ASB13: variants seen among roughly 807,000 people sequenced by gnomAD.
ASB13 encodes ankyrin repeat and SOCS box containing 13.
A neutral mutation model predicts 28.8 loss-of-function variants in ASB13; 33 were observed. The ratio of observed to expected loss-of-function variants is 1.15; its 90% CI spans 0.87 to 1.53. The LOEUF is 1.53. Among genes scored for constraint, ASB13 ranks in the 40% most tolerant of loss-of-function variants. The pLI, the probability that ASB13 is intolerant of heterozygous loss-of-function variation, is 0.00. For synonymous variants in ASB13, 182 were observed against 172.9 expected, an observed-to-expected ratio of 1.05 and a Z score of -0.41; for missense variants, 414 against 390.1, an observed-to-expected ratio of 1.06 and a Z score of -0.52.
rs920078753 is a variant in ASB13, at chr10:5,663,887, G to A, written c.43+2622C>T. Among the ~76,000 whole-genome samples the A allele has an allele frequency of 7.2e-5, 11 of 152,078 alleles. No individual in the cohort carries two copies. Among genetic ancestry groups the A allele is most frequent in the South Asian group, 4.2e-4 (2 of 4,814 alleles). On this transcript the variant is annotated intron_variant, in intron 1 of 5. Transcript: ENST00000357700. This position sits in a 1 kb window ranked among gnomAD's most constrained non-coding sequence, Gnocchi z 4.9. ...ACCCTAGTGGATTCTCCCTCTCCCC[G>A]CTCTGACACTGAAATCAAGAGCGAT...
At chr10:5,657,699 T>C (rs1835094285) in intron 1 of ASB13, among the ~76,000 whole-genome samples, 1 of 152,194 alleles carries the variant, frequency 6.6e-6, no homozygotes, top group African/African-American at 2.4e-5. Flanking sequence ...AAGCAGGGTC[T>C]TGAGGAGAGA....
chr10:5,647,549 C>T (rs775813394), intron 4 of ASB13, among the ~76,000 whole-genome samples: 1 of 152,216 alleles, frequency 6.6e-6, no homozygotes, highest in East Asian at 1.9e-4. Flanking sequence ...ACGCTGCCAA[C>T]TCCACTTCCC....
rs1318634899 is a variant in ASB13, at chr10:5,659,870, GC to G, written c.43+6638del. The stretch of plus-strand genomic sequence containing the variant: ...GCCAGACTGAACTTGGACCCCTGCC[GC>G]TAGGTTCTGTCCCCTGCTCCACTTT... On this transcript the variant is annotated intron_variant, in intron 1 of 5. Coordinates refer to ENST00000357700, the MANE Select transcript of ASB13 (RefSeq NM_024701.4). This position sits in a 1 kb window ranked among gnomAD's most constrained non-coding sequence, Gnocchi z 5.8. 3.3e-5 allele frequency among the ~76,000 whole-genome samples: 5 copies of G among 152,220 alleles called. No individual in the cohort carries two copies. In the East Asian group the frequency reaches 7.7e-4, roughly 24 times the overall value.
intron 1 of ASB13, among the ~76,000 whole-genome samples, chr10:5,665,980 G>A (rs1408991896): frequency 6.6e-6 from 1 of 152,216 alleles, no homozygotes; most frequent in East Asian, 1.9e-4. Context: ...GCACTTTTCG[G>A]AGTGTGCCGG....
At chr10:5,666,384 GC>G in intron 1 of ASB13, 124 bp downstream of exon 1, 3 of 810,176 alleles carry the variant, frequency 3.7e-6, no homozygotes, top group Non-Finnish European at 4.8e-6. Context: ...CCCGCCAAAC[GC>G]CCCCGCCCAC....
In ASB13 at chr10:5,655,239, G is replaced by A. The variant is rs74755983; in HGVS notation, c.44-2189C>T. 0.012 allele frequency among the ~76,000 whole-genome samples: 1,773 copies of A among 152,270 alleles called. 18 individuals carry two copies. Among genetic ancestry groups the A allele is most frequent in the South Asian group, 0.062 (297 of 4,828 alleles). On this transcript the variant is annotated intron_variant, in intron 1 of 5. Coordinates refer to ENST00000357700, the MANE Select transcript of ASB13 (RefSeq NM_024701.4). This position sits in a 1 kb window ranked among gnomAD's most constrained non-coding sequence, Gnocchi z 6.2. ...CCTCTGCCTTGGGCACTGAGTACAG[G>A]GTTAAGAGTTCCCTGGAGCCACAAC...
intron 4 of ASB13, among the ~76,000 whole-genome samples, chr10:5,643,270 G>A (rs1255571088): frequency 1.3e-5 from 2 of 152,182 alleles, no homozygotes; most frequent in African/African-American, 4.8e-5. Flanking sequence ...GTCAAAAGAG[G>A]AGCTGAGAGG....
rs1478021015 is a variant in ASB13 at position 5,645,944 on chromosome 10, A to C, written c.517+3026T>G. On this transcript the variant is annotated intron_variant, in intron 4 of 5. Transcript: ENST00000357700. This position sits in a 1 kb window ranked among gnomAD's most constrained non-coding sequence, Gnocchi z 5.4. Reference sequence around the variant, plus strand: ...CGCAATGAAAAAATGGTTTCTAAGAAGAAGATGATGATCCATCTGCTCTCA... The same window carrying C: ...CGCAATGAAAAAATGGTTTCTAAGACGAAGATGATGATCCATCTGCTCTCA... Among the ~76,000 whole-genome samples, 1 of 152,196 alleles carries C rather than the reference A, an allele frequency of 6.6e-6. No homozygotes were observed. Among genetic ancestry groups the C allele is most frequent in the Non-Finnish European group, 1.5e-5 (1 of 68,034 alleles).
In ASB13 at chr10:5,660,774, C is replaced by T. The variant is rs1259919090; in HGVS notation, c.43+5735G>A. 6.6e-6 allele frequency among the ~76,000 whole-genome samples: 1 copy of T among 152,204 alleles called. No individual in the cohort carries two copies. The highest frequency in any genetic ancestry group is 2.4e-5 in the African/African-American group (1 of 41,462). The stretch of plus-strand genomic sequence containing the variant: ...GCCCCCCAATCTTGCATTCCAGCTC[C>T]AGTAACTCAATCCTTACCTAAGTCG... On this transcript the variant is annotated intron_variant, in intron 1 of 5. Coordinates refer to ENST00000357700, the MANE Select transcript of ASB13 (RefSeq NM_024701.4). This position sits in a 1 kb window ranked among gnomAD's most constrained non-coding sequence, Gnocchi z 6.1.
rs377245088 is a variant in ASB13, at chr10:5,640,681, C to T, written c.*22G>A. ...ATGCTGGGCACAACGGGGGCAGCCA[C>T]GGTCCGGACCCCACCTGCAATTCAG... On this transcript the variant is annotated 3_prime_UTR_variant, in exon 6 of 6. Transcript: ENST00000357700. 17 of 1,613,642 alleles carry T rather than the reference C, an allele frequency of 1.1e-5. No homozygotes were observed. Among genetic ancestry groups the T allele is most frequent in the Admixed American group, 1.7e-5 (1 of 59,974 alleles).
Position 5,663,122 on chromosome 10 carries a change from T to A in ASB13, c.43+3387A>T, listed in dbSNP as rs1367379646. 6.6e-6 allele frequency among the ~76,000 whole-genome samples: 1 copy of A among 152,114 alleles called. No individual in the cohort carries two copies. The highest frequency in any genetic ancestry group is 1.5e-5 in the Non-Finnish European group (1 of 68,022). On this transcript the variant is annotated intron_variant, in intron 1 of 5. Transcript: ENST00000357700. The surrounding 1 kb of genome is among the most constrained non-coding windows in gnomAD (Gnocchi z 4.9). ...CAGACTGATTTTAAGATGTGTTCAA[T>A]GAAGCAAAAATGCCAGTATTTGCCT...
rs553015963 is a variant in ASB13 at position 5,664,147 on chromosome 10, G to A, written c.43+2362C>T. ...GGGGTTGGGACCAGCAAAGAGCAGG[G>A]AATCTGAACTACCCCTGGGAGGGCA... On this transcript the variant is annotated intron_variant, in intron 1 of 5. Transcript: ENST00000357700. This position sits in a 1 kb window ranked among gnomAD's most constrained non-coding sequence, Gnocchi z 4.2. Among the ~76,000 whole-genome samples the A allele has an allele frequency of 6.6e-6, 1 of 152,246 alleles. No individual in the cohort carries two copies. Among genetic ancestry groups the A allele is most frequent in the South Asian group, 2.1e-4 (1 of 4,822 alleles).
chr10:5,640,851 G>C, intron 5 of ASB13, 21 bp from the exon 6 acceptor site: 1 of 1,611,706 alleles, frequency 6.2e-7, no homozygotes, highest in Non-Finnish European at 8.5e-7. Context: ...GAGCAAGGAA[G>C]GATGTGAGGT....
Position 5,656,925 on chromosome 10 carries a change from T to C in ASB13, c.44-3875A>G, listed in dbSNP as rs951731285. On this transcript the variant is annotated intron_variant, in intron 1 of 5. Transcript: ENST00000357700. This position sits in a 1 kb window ranked among gnomAD's most constrained non-coding sequence, Gnocchi z 4.3. The stretch of plus-strand genomic sequence containing the variant: ...CTGACTTAGACGGCACTTTAGACAC[T>C]TATCTACCATCTTCCTGGTTTGCTG... Among the ~76,000 whole-genome samples the C allele has an allele frequency of 6.6e-6, 1 of 152,216 alleles. No homozygotes were observed. The highest frequency in any genetic ancestry group is 1.9e-4 in the East Asian group (1 of 5,200).
Position 5,656,112 on chromosome 10 carries a change from C to T in ASB13, c.44-3062G>A, listed in dbSNP as rs938975218. Among the ~76,000 whole-genome samples the T allele has an allele frequency of 1.5e-4, 23 of 152,174 alleles. No homozygotes were observed. The highest frequency in any genetic ancestry group is 5.9e-4 in the Admixed American group (9 of 15,274). On this transcript the variant is annotated intron_variant, in intron 1 of 5. Transcript: ENST00000357700. The surrounding 1 kb of genome is among the most constrained non-coding windows in gnomAD (Gnocchi z 4.3). ...GTCACAGAGGCCGCAGAGCTGCAGC[C>T]GGGTCTATCTCAGGCACCGCTTATT...
At chr10:5,654,505 G>A (rs1226316704) in intron 1 of ASB13, among the ~76,000 whole-genome samples, 1 of 152,198 alleles carries the variant, frequency 6.6e-6, no homozygotes, top group Non-Finnish European at 1.5e-5. Context: ...TAAACCAGGT[G>A]CAGACAAAAG....
chr10:5,653,038 T>C lies in ASB13; in HGVS notation c.56A>G (p.Glu19Gly). 1.3e-6 allele frequency: 2 copies of C among 1,545,076 alleles called. No individual in the cohort carries two copies. Among genetic ancestry groups the C allele is most frequent in the African/African-American group, 2.7e-5 (2 of 72,996 alleles). ...CFLGDVGFWVERTPVHEAAQR... is the reference protein window; with the variant it reads ...CFLGDVGFWVGRTPVHEAAQR... ...GGCTGCCTCGTGCACAGGGGTCCGC[T>C]CCACCCAGAAACCTGGAAAGGAAGG... The change falls in exon 2 of 6, where the codon GAG becomes GGG. Residue 19 changes from glutamate (E) to glycine (G), a missense_variant. Coordinates refer to ENST00000357700, the MANE Select transcript of ASB13 (RefSeq NM_024701.4).
At chr10:5,662,532 A>AGTGG (rs1238318808) in intron 1 of ASB13, among the ~76,000 whole-genome samples, 816 of 17,616 alleles carry the variant, frequency 0.046, 88 homozygotes, top group Non-Finnish European at 0.067. Context: ...TCTGTCGAGA[A>AGTGG]GGGGGGGGGA....
chr10:5,653,045 A>G lies in ASB13; in HGVS notation c.49T>C (p.Trp17Arg). 1.9e-6 allele frequency: 3 copies of G among 1,541,168 alleles called. No individual in the cohort carries two copies. Among genetic ancestry groups the G allele is most frequent in the Non-Finnish European group, 2.6e-6 (3 of 1,140,422 alleles). The change falls in exon 2 of 6, where the codon TGG (tryptophan) becomes CGG (arginine). Residue 17 changes from tryptophan to arginine, a missense_variant. Transcript: ENST00000357700. ...DGCFLGDVGF[W>R]VERTPVHEAA... ...TCGTGCACAGGGGTCCGCTCCACCC[A>G]GAAACCTGGAAAGGAAGGGGACCTC...
Sources: gnomAD v4.1 joint callset for allele counts (sites outside exome capture counted in the v4.1 genomes callset) on GRCh38, gnomAD v4.1.1 for gene constraint, Gnocchi (gnomAD v3.1) non-coding constraint, MANE v1.5 for transcripts, NCBI Gene and HGNC (gene_info 2026-07-23, HGNC 2026-07-21) for gene names.